Variants in TBC1D22A observed in about 807,000 individuals in gnomAD.
The protein encoded by TBC1D22A is TBC1 domain family member 22A, also known as putative GTPase activator.
TBC1D22A carries 38 observed loss-of-function variants against 60.2 expected under a neutral mutation model. The ratio of observed to expected loss-of-function variants is 0.63; its 90% CI spans 0.49 to 0.83. The LOEUF (loss-of-function observed/expected upper bound fraction) is 0.83, where lower values mean the gene tolerates loss of function less well. Ranked by LOEUF, TBC1D22A falls within the 40% of genes least tolerant of loss-of-function variation. TBC1D22A has a pLI of 0.00. For missense variants in TBC1D22A, 628 were observed against 701.0 expected (o/e 0.90, Z 1.18); for synonymous variants, 302 against 281.7 (o/e 1.07, Z -0.72).
intron 11 of TBC1D22A, among the ~76,000 whole-genome samples, chr22:47,048,788 C>T (rs918103685): frequency 6.6e-6 from 1 of 152,160 alleles, no homozygotes; most frequent in African/African-American, 2.4e-5. Context: ...GGGGCACCTG[C>T]CGCACCGTAA....
chr22:46,996,312 CCT>C (rs1290590269), intron 9 of TBC1D22A, among the ~76,000 whole-genome samples: 2 of 152,270 alleles, frequency 1.3e-5, no homozygotes, highest in Non-Finnish European at 2.9e-5. Context: ...AGTGTCACTC[CCT>C]GAGGGCAGAG....
At chr22:46,982,955 GCTGCGTGGACAGCTCCGC>G (rs1387095547) in intron 9 of TBC1D22A, among the ~76,000 whole-genome samples, 1 of 152,208 alleles carries the variant, frequency 6.6e-6, no homozygotes, top group Non-Finnish European at 1.5e-5. Flanking sequence ...GGGAGATGCC[GCTGCGTGGACAGCTCCGC>G]CTGGGAAGAA....
At chr22:46,888,736 C>A (rs2068245365) in intron 5 of TBC1D22A, among the ~76,000 whole-genome samples, 2 of 152,228 alleles carry the variant, frequency 1.3e-5, no homozygotes, top group South Asian at 2.1e-4. Flanking sequence ...GAGACAGAGC[C>A]TTGCTCTGTT....
intron 4 of TBC1D22A, among the ~76,000 whole-genome samples, chr22:46,850,245 T>TG (rs1425103686): frequency 6.6e-6 from 1 of 152,042 alleles, no homozygotes; most frequent in Non-Finnish European, 1.5e-5. Context: ...CTGTGTGCCG[T>TG]GGGGTTGTGG....
intron 4 of TBC1D22A, among the ~76,000 whole-genome samples, chr22:46,830,198 G>C (rs987354765): frequency 6.6e-6 from 1 of 152,254 alleles, no homozygotes; most frequent in African/African-American, 2.4e-5. Context: ...ACGCTGAGGC[G>C]AGTGACTGGA....
chr22:47,045,305 C>T (rs4515), intron 11 of TBC1D22A, among the ~76,000 whole-genome samples: 107,241 of 151,942 alleles, frequency 0.71, 38,344 homozygotes, highest in East Asian at 0.92. Context: ...GTCACGGCTG[C>T]GCTCCTCCGC....
chr22:47,101,904 A>G (rs182058982), intron 11 of TBC1D22A, among the ~76,000 whole-genome samples: 10 of 152,216 alleles, frequency 6.6e-5, no homozygotes, highest in African/African-American at 2.4e-4. Flanking sequence ...TCCAGAATTT[A>G]CCTGGTGCAG....
At chr22:46,888,451 G>A (rs948839992) in intron 5 of TBC1D22A, among the ~76,000 whole-genome samples, 2 of 148,310 alleles carry the variant, frequency 1.3e-5, no homozygotes, top group Admixed American at 6.9e-5. Context: ...TCAGTCACTC[G>A]TTCATATGTG....
intron 8 of TBC1D22A, among the ~76,000 whole-genome samples, chr22:46,954,197 C>T (rs529953524): frequency 6.6e-6 from 1 of 152,346 alleles, no homozygotes; most frequent in South Asian, 2.1e-4. Flanking sequence ...AGACAGGCCC[C>T]AGCCCCAGTC....
chr22:46,874,715 A>G (rs147624919), intron 4 of TBC1D22A, among the ~76,000 whole-genome samples: 2,228 of 151,950 alleles, frequency 0.015, 42 homozygotes, highest in Middle Eastern at 0.021. Flanking sequence ...CTGGGATTAC[A>G]GGTGCATGCC....
chr22:46,841,231 G>A (rs536379560), intron 4 of TBC1D22A, among the ~76,000 whole-genome samples: 4 of 152,342 alleles, frequency 2.6e-5, no homozygotes, highest in Admixed American at 6.5e-5. Context: ...GAGCCCTCAT[G>A]GATGAGGTTA....
chr22:47,006,926 A>G (rs573288514), intron 10 of TBC1D22A, among the ~76,000 whole-genome samples: 33 of 152,312 alleles, frequency 2.2e-4, no homozygotes, highest in East Asian at 1.5e-3. Context: ...GGTGAGTAGC[A>G]TGAAACAAGT....
chr22:46,824,092 A>T, intron 4 of TBC1D22A, among the ~76,000 whole-genome samples: 1 of 152,254 alleles, frequency 6.6e-6, no homozygotes, highest in East Asian at 1.9e-4. Context: ...ATAACACGTT[A>T]TAAATTCAGT....
In TBC1D22A at chr22:47,122,754, G is replaced by A. The variant is rs560937001; in HGVS notation, c.1425+11151G>A. Among the ~76,000 whole-genome samples the A allele has an allele frequency of 3.3e-5, 5 of 152,346 alleles. No homozygotes were observed. In the East Asian group the frequency reaches 5.8e-4, roughly 18 times the overall value. On this transcript the variant is annotated intron_variant, in intron 12 of 12. Coordinates refer to ENST00000337137, the MANE Select transcript of TBC1D22A (RefSeq NM_014346.5). ...CAGAGACCCAGGCAGGCTTCACTGCGCAGAAGCAGCGGCGAGGCATCCCTC... is the reference window on the plus strand; with the variant it reads ...CAGAGACCCAGGCAGGCTTCACTGCACAGAAGCAGCGGCGAGGCATCCCTC...
intron 11 of TBC1D22A, among the ~76,000 whole-genome samples, chr22:47,051,504 C>T (rs938726183): frequency 1.3e-5 from 2 of 152,120 alleles, no homozygotes; most frequent in Non-Finnish European, 2.9e-5. Flanking sequence ...GGGGTGGCTT[C>T]GGGAGCCGGG....
chr22:46,948,533 C>T (rs969452885), intron 8 of TBC1D22A, among the ~76,000 whole-genome samples: 3 of 152,214 alleles, frequency 2.0e-5, no homozygotes, highest in African/African-American at 7.2e-5. Flanking sequence ...GTGGGTTTCT[C>T]ACTCCGGGTG....
intron 4 of TBC1D22A, among the ~76,000 whole-genome samples, chr22:46,844,037 T>G (rs1238268852): frequency 2.6e-5 from 4 of 151,628 alleles, no homozygotes; most frequent in Non-Finnish European, 4.4e-5. Flanking sequence ...GTCTCTGTCT[T>G]CTTGGCTGTC....
chr22:46,962,074 T>A (rs1461065952), intron 8 of TBC1D22A, among the ~76,000 whole-genome samples: 1 of 152,194 alleles, frequency 6.6e-6, no homozygotes, highest in East Asian at 1.9e-4. Context: ...TGGCCGGCCC[T>A]CTGGTCCTGG....
intron 10 of TBC1D22A, among the ~76,000 whole-genome samples, chr22:47,006,021 C>T (rs944116804): frequency 1.3e-5 from 2 of 152,062 alleles, no homozygotes; most frequent in Non-Finnish European, 2.9e-5. Context: ...TGCACAAACA[C>T]ACCCCTATAC....
Sources: gnomAD v4.1 joint callset for allele counts (sites outside exome capture counted in the v4.1 genomes callset) on GRCh38, gnomAD v4.1.1 for gene constraint, MANE v1.5 for transcripts, NCBI Gene and HGNC (gene_info 2026-07-23, HGNC 2026-07-21) for gene names.